TMEM245: variants seen among roughly 807,000 people sequenced by gnomAD.
TMEM245 encodes transmembrane protein 245.
In TMEM245, 69 loss-of-function variants were observed where a neutral mutation model predicts 101.2. That is an observed-to-expected ratio of 0.68 (90% CI 0.56 to 0.83). The LOEUF is 0.83. TMEM245 is among the 40% of genes least tolerant of loss of function. The probability of loss-of-function intolerance (pLI) is 0.00; values close to 1 mark genes in which losing one functional copy is unlikely to be tolerated. For synonymous variants in TMEM245, 537 were observed against 449.8 expected (o/e 1.19, Z -2.45); for missense variants, 1,075 against 1,092.8 (o/e 0.98, Z 0.23).
intron 8 of TMEM245, among the ~76,000 whole-genome samples, chr9:109,074,932 AGAAT>A (rs1193112080): frequency 6.6e-6 from 1 of 152,254 alleles, no homozygotes; most frequent in African/African-American, 2.4e-5. Flanking sequence ...AAAAACAGCC[AGAAT>A]GAATAAGGCC....
chr9:109,029,386 T>A (rs902524835), intron 17 of TMEM245, among the ~76,000 whole-genome samples: 1 of 152,198 alleles, frequency 6.6e-6, no homozygotes, highest in Non-Finnish European at 1.5e-5. Flanking sequence ...CAAAAAGATC[T>A]TATATGTCTT....
Position 109,057,212 on chromosome 9 carries a change from C to G in TMEM245, c.1833G>C (p.Glu611Asp), listed in dbSNP as rs199859346. Reference protein sequence around the residue: ...DWQDIVSFVHENIETFLSILE... With the variant: ...DWQDIVSFVHDNIETFLSILE... ...TTACCGAAAGAAATGTCTCAATGTT[C>G]TCGTGAACAAAGGAAACAATATCCT... The change falls in exon 12 of 18, where the codon GAG becomes GAC. Residue 611 changes from glutamate (E) to aspartate (D), a missense_variant. Physicochemically the swap from Glu to Asp is conservative, Grantham distance 45. This residue lies in a region of TMEM245 where 267 missense variants were observed against 351.3 expected (regional missense o/e 0.76). Coordinates refer to ENST00000374586, the MANE Select transcript of TMEM245 (RefSeq NM_032012.4). 6.2e-7 allele frequency: 1 copy of G among 1,613,820 alleles called. No individual in the cohort carries two copies. Among genetic ancestry groups the G allele is most frequent in the Non-Finnish European group, 8.5e-7 (1 of 1,179,842 alleles).
chr9:109,024,254 C>T (rs544988660), intron 17 of TMEM245, among the ~76,000 whole-genome samples: 10 of 152,216 alleles, frequency 6.6e-5, no homozygotes, highest in Non-Finnish European at 1.5e-4. Context: ...TGACAGAGCA[C>T]ATGCAACCAC....
intron 17 of TMEM245, among the ~76,000 whole-genome samples, chr9:109,029,272 G>C (rs1827880007): frequency 6.6e-6 from 1 of 152,098 alleles, no homozygotes; most frequent in Non-Finnish European, 1.5e-5. Context: ...AAGAAGAAAA[G>C]GAAATCATGA....
At chr9:109,080,759 C>T in intron 8 of TMEM245, 80 bp downstream of exon 8, 1 of 841,496 alleles carries the variant, frequency 1.2e-6, no homozygotes, top group Non-Finnish European at 1.9e-6. Context: ...TTTCCATGCC[C>T]CTTCTGCTAG....
chr9:109,084,435 A>G (rs905284644), intron 7 of TMEM245, among the ~76,000 whole-genome samples: 15 of 152,252 alleles, frequency 9.9e-5, no homozygotes, highest in African/African-American at 3.6e-4. Context: ...TAACTCGATG[A>G]TTCAGTTATG....
chr9:109,050,545 C>A (rs614253), intron 13 of TMEM245, 25 bp downstream of exon 13: 1 of 1,613,826 alleles, frequency 6.2e-7, no homozygotes. Flanking sequence ...GGAAATATGA[C>A]GTGTACTTAT....
At chr9:109,055,020 T>G in intron 12 of TMEM245, among the ~76,000 whole-genome samples, 1 of 152,230 alleles carries the variant, frequency 6.6e-6, no homozygotes, top group East Asian at 1.9e-4. Context: ...CTTTTCTTTT[T>G]GAGGGATTAC....
At chr9:109,030,832 G>T (rs1827923541) in intron 17 of TMEM245, among the ~76,000 whole-genome samples, 1 of 152,142 alleles carries the variant, frequency 6.6e-6, no homozygotes, top group South Asian at 2.1e-4. Context: ...AGACTTTACT[G>T]CATTTGTTCT....
chr9:109,041,959 G>A (rs75472294), intron 14 of TMEM245, among the ~76,000 whole-genome samples: 33,341 of 151,888 alleles, frequency 0.22, 4,486 homozygotes, highest in Admixed American at 0.3. Flanking sequence ...GGAAAACCCC[G>A]TCTCTACTAT....
intron 16 of TMEM245, among the ~76,000 whole-genome samples, chr9:109,035,073 C>T (rs1202192308): frequency 1.4e-5 from 2 of 141,398 alleles, no homozygotes; most frequent in Non-Finnish European, 3.0e-5. Context: ...AGGAGAATGG[C>T]TTGAACCTGG....
At chr9:109,032,475 C>T (rs1165517703) in intron 17 of TMEM245, among the ~76,000 whole-genome samples, 1 of 144,192 alleles carries the variant, frequency 6.9e-6, no homozygotes, top group African/African-American at 2.6e-5. Flanking sequence ...ACCTCCACCT[C>T]CCAGGTTCAA....
intron 17 of TMEM245, among the ~76,000 whole-genome samples, chr9:109,023,942 C>A (rs997817273): frequency 3.3e-5 from 5 of 151,838 alleles, no homozygotes; most frequent in African/African-American, 1.2e-4. Flanking sequence ...TTCAGAGCAA[C>A]AGGGATTGTG....
intron 14 of TMEM245, among the ~76,000 whole-genome samples, chr9:109,046,001 A>G (rs1352981273): frequency 6.6e-6 from 1 of 152,202 alleles, no homozygotes; most frequent in African/African-American, 2.4e-5. Context: ...CTCAAAGTAA[A>G]AAATGGAAAC....
Position 109,093,477 on chromosome 9 carries a change from G to A in TMEM245, c.914C>T (p.Ala305Val). ...AATGTCACCAGAACATCAGTCACCT[G>A]CAGGCTGAGTGGAGGGCTGGTCTTC... ...SSEDQPSTQPAEAVDRGESAP... is the reference protein window; with the variant it reads ...SSEDQPSTQPVEAVDRGESAP... Residue 305 changes from alanine to valine, a missense_variant and splice_region_variant, in exon 4 of 18, where the codon GCA becomes GTA. Transcript: ENST00000374586. 6.2e-7 allele frequency: 1 copy of A among 1,611,618 alleles called. No homozygotes were observed. The highest frequency in any genetic ancestry group is 1.1e-5 in the South Asian group (1 of 90,470).
chr9:109,069,750 T>TA (rs929517531), intron 9 of TMEM245, among the ~76,000 whole-genome samples: 1 of 152,140 alleles, frequency 6.6e-6, no homozygotes, highest in Non-Finnish European at 1.5e-5. Flanking sequence ...TTCTCCATCT[T>TA]AAAAAATTAA....
intron 5 of TMEM245, among the ~76,000 whole-genome samples, chr9:109,090,404 A>C (rs577964226): frequency 5.9e-5 from 9 of 152,264 alleles, no homozygotes; most frequent in East Asian, 5.8e-4. Context: ...AATTGTAAGA[A>C]GCTAAACACA....
chr9:109,108,081 G>A (rs1006833185), intron 2 of TMEM245, among the ~76,000 whole-genome samples: 1 of 152,016 alleles, frequency 6.6e-6, no homozygotes, highest in Non-Finnish European at 1.5e-5. Context: ...CTCTTATCCA[G>A]AGTAAACATC....
At chr9:109,055,877 A>C (rs1004767691) in intron 12 of TMEM245, among the ~76,000 whole-genome samples, 75 of 151,934 alleles carry the variant, frequency 4.9e-4, no homozygotes, top group African/African-American at 1.7e-3. Flanking sequence ...CAGGTGATCC[A>C]CCCGCCTCGG....
Sources: gnomAD v4.1 joint callset for allele counts (sites outside exome capture counted in the v4.1 genomes callset) on GRCh38, gnomAD v4.1.1 for gene constraint, gnomAD v4.1.1 regional missense constraint, MANE v1.5 for transcripts, NCBI Gene and HGNC (gene_info 2026-07-23, HGNC 2026-07-21) for gene names.